GTF2IRD2B: variants seen among roughly 807,000 people sequenced by gnomAD.
GTF2IRD2B encodes the protein general transcription factor II-I repeat domain-containing protein 2B.
A neutral mutation model predicts 55.6 loss-of-function variants in GTF2IRD2B; 10 were observed. The ratio of observed to expected loss-of-function variants is 0.18; its 90% CI spans 0.11 to 0.31. The LOEUF (loss-of-function observed/expected upper bound fraction) is 0.31. Ranked by LOEUF, GTF2IRD2B falls within the 10% of genes least tolerant of loss-of-function variation. The probability of loss-of-function intolerance (pLI) is 1.00; values close to 1 mark genes in which losing one functional copy is unlikely to be tolerated. For synonymous variants in GTF2IRD2B, 107 were observed against 320.5 expected, an observed-to-expected ratio of 0.33 and a Z score of 7.12; for missense variants, 206 against 802.7, an observed-to-expected ratio of 0.26 and a Z score of 8.98.
rs587646707 is a variant in GTF2IRD2B at position 75,123,654 on chromosome 7, T to G, written c.571+138T>G. ...ACTTTGGGAGGCTGAGGCAGGTGGA[T>G]CACAAGGTCAGGAGATCGCGACCAT... On this transcript the variant is annotated intron_variant, in intron 6 of 15. Coordinates refer to ENST00000472837, the MANE Select transcript of GTF2IRD2B (RefSeq NM_001003795.3). 7.7e-6 allele frequency: 5 copies of G among 651,506 alleles called. No homozygotes were observed. In the East Asian group the frequency reaches 1.6e-4, roughly 20 times the overall value. The allele number at this position is 651,506 out of a possible 1,614,324, so 40.4% of individuals were successfully genotyped here. A position where few individuals can be genotyped will look rare whatever the true frequency, so the allele number is the denominator to read the frequency against.
chr7:75,103,081 C>A (rs1389641007), intron 1 of GTF2IRD2B, among the ~76,000 whole-genome samples: 1 of 151,758 alleles, frequency 6.6e-6, no homozygotes, highest in Non-Finnish European at 1.5e-5. Flanking sequence ...AGTTCAAGAC[C>A]GGCCTGGCCA....
At chr7:75,101,511 T>C (rs1807555435) in intron 1 of GTF2IRD2B, among the ~76,000 whole-genome samples, 1 of 150,118 alleles carries the variant, frequency 6.7e-6, no homozygotes, top group Admixed American at 6.7e-5. Flanking sequence ...GCTACAGTGA[T>C]TGCACCACTG....
chr7:75,113,863 A>AGT lies in GTF2IRD2B; in HGVS notation c.238+1347_238+1348dup, dbSNP rs782323728. Among the ~76,000 whole-genome samples, 959 of 134,872 alleles carry AGT rather than the reference A, an allele frequency of 7.1e-3. 14 individuals are homozygous for AGT. The highest frequency in any genetic ancestry group is 0.02 in the African/African-American group (709 of 35,710). 88.5% of individuals were successfully genotyped at this position (134,872 alleles called of 152,430 possible). ...CTATGGATTGGCAGAGGGTATATAA[A>AGT]GTGTGTGTGTGTGTGTGTGTCTGTG... is the stretch of plus-strand genomic sequence containing the variant. On this transcript the variant is annotated intron_variant, in intron 3 of 15. Transcript: ENST00000472837.
rs1554450862 is a variant in GTF2IRD2B at position 75,112,478 on chromosome 7, A to G, written c.181A>G (p.Arg61Gly). 1 of 732,482 alleles carries G rather than the reference A, an allele frequency of 1.4e-6. No individual in the cohort carries two copies. Among genetic ancestry groups the G allele is most frequent in the South Asian group, 1.5e-5 (1 of 65,052 alleles). The allele number at this position is 732,482 out of a possible 1,614,324, so 45.4% of individuals were successfully genotyped here. ...ETDVFVVGTE[R>G]GCAFVNARTD... ...AGACGTGTTTGTCGTCGGAACCGAGAGAGGATGCGCTTTTGTTAATGCCAG... is the reference window on the plus strand; with the variant it reads ...AGACGTGTTTGTCGTCGGAACCGAGGGAGGATGCGCTTTTGTTAATGCCAG... Residue 61 changes from arginine to glycine, a missense_variant, in exon 3 of 16, where the codon AGA becomes GGA. Transcript: ENST00000472837.
intron 2 of GTF2IRD2B, among the ~76,000 whole-genome samples, chr7:75,109,443 A>G (rs1198767385): frequency 7.3e-6 from 1 of 136,874 alleles, no homozygotes; most frequent in African/African-American, 2.5e-5. Flanking sequence ...GGTTCAAGCA[A>G]TTCTCCTGCC....
Position 75,101,327 on chromosome 7 carries a change from T to C in GTF2IRD2B, c.-5-7633T>C, listed in dbSNP as rs1188551895. On this transcript the variant is annotated intron_variant, in intron 1 of 15. Transcript: ENST00000472837. ...GCTCATGCCTGTAATCCCAACACTC[T>C]GGGAGGCTGAGGTGGAAGGATTGTT... Among the ~76,000 whole-genome samples the C allele has an allele frequency of 1.1e-4, 17 of 151,304 alleles. 1 individual carries two copies. Among genetic ancestry groups the C allele is most frequent in the African/African-American group, 4.1e-4 (17 of 41,250 alleles).
intron 3 of GTF2IRD2B, among the ~76,000 whole-genome samples, chr7:75,116,668 A>T (rs1584533626): frequency 1.7e-5 from 2 of 117,548 alleles, no homozygotes; most frequent in African/African-American, 3.2e-5. Context: ...TTTGAGATGG[A>T]GTCTTGCTCT....
chr7:75,127,014 A>C (rs1166791607), intron 8 of GTF2IRD2B, among the ~76,000 whole-genome samples: 1 of 88,638 alleles, frequency 1.1e-5, no homozygotes, highest in Non-Finnish European at 2.8e-5. Flanking sequence ...AACAAAAACA[A>C]AAACAAAAAC....
intron 1 of GTF2IRD2B, among the ~76,000 whole-genome samples, chr7:75,102,669 A>C (rs1317234739): frequency 6.6e-6 from 1 of 151,482 alleles, no homozygotes; most frequent in Non-Finnish European, 1.5e-5. Flanking sequence ...TTAGAAATAA[A>C]AAAGCTGACC....
chr7:75,102,636 G>C (rs1554449647), intron 1 of GTF2IRD2B, among the ~76,000 whole-genome samples: 2 of 151,544 alleles, frequency 1.3e-5, no homozygotes, highest in Non-Finnish European at 2.9e-5. Flanking sequence ...TCCAGCCTGG[G>C]TGACATTGTG....
Position 75,149,442 on chromosome 7 carries a change from G to A in GTF2IRD2B, c.*145G>A, listed in dbSNP as rs587669369. ...GTCGCCCAGGTTGGAGTGCAGTGGC[G>A]TGATCTCGGCTTACTGCAACTTCCA... On this transcript the variant is annotated 3_prime_UTR_variant, in exon 16 of 16. Coordinates refer to ENST00000472837, the MANE Select transcript of GTF2IRD2B (RefSeq NM_001003795.3). 5.5e-5 allele frequency: 34 copies of A among 617,916 alleles called. No homozygotes were observed. The highest frequency in any genetic ancestry group is 4.4e-4 in the Middle Eastern group (1 of 2,272). The allele number at this position is 617,916 out of a possible 1,614,324, so 38.3% of individuals were successfully genotyped here. A position where few individuals can be genotyped will look rare whatever the true frequency, so the allele number is the denominator to read the frequency against.
intron 8 of GTF2IRD2B, among the ~76,000 whole-genome samples, chr7:75,130,477 C>A (rs1361177986): frequency 4.8e-5 from 7 of 144,568 alleles, no homozygotes; most frequent in Non-Finnish European, 9.1e-5. Context: ...CCGCACCAGG[C>A]CAATTTTTTT....
chr7:75,132,947 A>G (rs1178096102), intron 8 of GTF2IRD2B, among the ~76,000 whole-genome samples, 188 bp from the exon 9 acceptor site: 1 of 135,014 alleles, frequency 7.4e-6, no homozygotes, highest in African/African-American at 3.3e-5. Context: ...TTCTATATGT[A>G]TATTATTTTA....
intron 1 of GTF2IRD2B, among the ~76,000 whole-genome samples, chr7:75,103,470 C>T (rs1807649447): frequency 6.7e-6 from 1 of 150,186 alleles, no homozygotes; most frequent in South Asian, 2.1e-4. Context: ...ATTAATGCCA[C>T]CTCCTGATGG....
rs1554454567 is a variant in GTF2IRD2B at position 75,148,322 on chromosome 7, G to A, written c.1875G>A (p.Val625=). 6.2e-7 allele frequency: 1 copy of A among 1,613,634 alleles called. No individual in the cohort carries two copies. Among genetic ancestry groups the A allele is most frequent in the Non-Finnish European group, 8.5e-7 (1 of 1,179,812 alleles). The change falls in exon 16 of 16, where the codon GTG becomes GTA. Residue 625 remains valine, a synonymous_variant. Coordinates refer to ENST00000472837, the MANE Select transcript of GTF2IRD2B (RefSeq NM_001003795.3). ...SVASTGTPAM[V]DANNGLVTKL... ...CCTCCACTGGCACCCCAGCGATGGTGGATGCCAATAACGGGCTTGTCACAA... is the reference window on the plus strand; with the variant it reads ...CCTCCACTGGCACCCCAGCGATGGTAGATGCCAATAACGGGCTTGTCACAA...
intron 15 of GTF2IRD2B, 83 bp from the exon 16 acceptor site, chr7:75,147,611 T>C (rs1809190592): frequency 1.7e-6 from 1 of 599,996 alleles, no homozygotes; most frequent in African/African-American, 1.9e-5. Context: ...CTCTCGTGCG[T>C]CATCAAGCAT....
At chr7:75,115,905 ATTTCTTTTC>A (rs1364178775) in intron 3 of GTF2IRD2B, among the ~76,000 whole-genome samples, 4 of 136,614 alleles carry the variant, frequency 2.9e-5, no homozygotes, top group South Asian at 4.5e-4. Context: ...GTCTTCTTTA[ATTTCTTTTC>A]TTTCTTTTTT....
At chr7:75,093,010 C>T (rs1180935592) in intron 1 of GTF2IRD2B, among the ~76,000 whole-genome samples, 6 of 152,306 alleles carry the variant, frequency 3.9e-5, no homozygotes, top group African/African-American at 1.4e-4. Context: ...GTCGTACGCA[C>T]GGAGCGCACA....
chr7:75,104,262 A>G (rs1807689857), intron 1 of GTF2IRD2B, among the ~76,000 whole-genome samples: 1 of 151,370 alleles, frequency 6.6e-6, no homozygotes, highest in Non-Finnish European at 1.5e-5. Context: ...AGCTGGGATT[A>G]CAGGTGTCTG....
Sources: gnomAD v4.1 joint callset for allele counts (sites outside exome capture counted in the v4.1 genomes callset) on GRCh38, gnomAD v4.1.1 for gene constraint, MANE v1.5 for transcripts, NCBI Gene and HGNC (gene_info 2026-07-23, HGNC 2026-07-21) for gene names.